LCOR: variants seen among roughly 807,000 people sequenced by gnomAD.
The protein encoded by LCOR is ligand dependent nuclear receptor corepressor.
Under a neutral mutation model 64.4 loss-of-function variants are expected in LCOR, and 14 were observed. That is an observed-to-expected ratio of 0.22 (90% CI 0.14 to 0.34). The LOEUF (loss-of-function observed/expected upper bound fraction) is 0.34, where lower values mean the gene tolerates loss of function less well. LCOR is among the 10% of genes least tolerant of loss of function. The pLI, the probability that LCOR is intolerant of heterozygous loss-of-function variation, is 1.00. For synonymous variants in LCOR, 643 were observed against 642.5 expected, an observed-to-expected ratio of 1.00 and a Z score of -0.01; for missense variants, 1,686 against 1,765.3, an observed-to-expected ratio of 0.96 and a Z score of 0.80.
chr10:96,856,808 G>A (rs186999990), intron 2 of LCOR, among the ~76,000 whole-genome samples: 19 of 151,186 alleles, frequency 1.3e-4, no homozygotes, highest in African/African-American at 2.9e-4. Flanking sequence ...AGATACCTCC[G>A]TAAGGGCAGC....
At chr10:96,873,150 A>G (rs1189853710) in intron 2 of LCOR, among the ~76,000 whole-genome samples, 1 of 152,204 alleles carries the variant, frequency 6.6e-6, no homozygotes, top group Non-Finnish European at 1.5e-5. Flanking sequence ...GTATTTTTAA[A>G]TATTAATTTT....
At chr10:96,926,333 A>G (rs2134481759) in intron 4 of LCOR, among the ~76,000 whole-genome samples, 1 of 152,322 alleles carries the variant, frequency 6.6e-6, no homozygotes. Flanking sequence ...AAATTTATGG[A>G]AAGTAAAATA....
intron 2 of LCOR, among the ~76,000 whole-genome samples, chr10:96,876,711 C>T (rs569484518): frequency 5.3e-5 from 8 of 151,892 alleles, no homozygotes; most frequent in Non-Finnish European, 8.8e-5. Flanking sequence ...CCTTTTGAGA[C>T]GGAGTTTCGC....
chr10:96,982,564 C>T lies in LCOR; in HGVS notation c.2104C>T (p.Pro702Ser), dbSNP rs145275110. The T allele has an allele frequency of 9.9e-5, 160 of 1,614,156 alleles. No individual in the cohort carries two copies. In the African/African-American group the frequency reaches 1.4e-3, roughly 14 times the overall value. Residue 702 changes from proline (P) to serine (S), a missense_variant, in exon 8 of 8, where the codon CCT (proline) becomes TCT (serine). By Grantham distance (74) the Pro-to-Ser change is moderately conservative. Coordinates refer to ENST00000421806, the MANE Select transcript of LCOR (RefSeq NM_001346516.2). ...PPEIVSREESPQCSENQSSPM... is the reference protein window; with the variant it reads ...PPEIVSREESSQCSENQSSPM... ...TGAAATAGTCAGTAGAGAAGAAAGTCCTCAGTGCTCAGAAAATCAGAGTTC... is the reference window on the plus strand; with the variant it reads ...TGAAATAGTCAGTAGAGAAGAAAGTTCTCAGTGCTCAGAAAATCAGAGTTC...
At chr10:96,904,180 T>G (rs1353544945) in intron 2 of LCOR, among the ~76,000 whole-genome samples, 1 of 152,174 alleles carries the variant, frequency 6.6e-6, no homozygotes, top group Non-Finnish European at 1.5e-5. Flanking sequence ...GACTCTCAGT[T>G]AGTGTATGTC....
chr10:96,971,797 A>G (rs1848001473), intron 7 of LCOR, among the ~76,000 whole-genome samples: 1 of 152,232 alleles, frequency 6.6e-6, no homozygotes, highest in South Asian at 2.1e-4. Flanking sequence ...TGGATGGTGT[A>G]TTGGAGGCAA....
At chr10:96,878,895 C>T (rs1356201811) in intron 2 of LCOR, among the ~76,000 whole-genome samples, 4 of 152,130 alleles carry the variant, frequency 2.6e-5, no homozygotes, top group African/African-American at 4.8e-5. Flanking sequence ...CAGGCTCAAG[C>T]GATCTTCCCA....
Position 96,985,737 on chromosome 10 carries a change from A to T in LCOR, c.*603A>T, listed in dbSNP as rs1404883065. 2 of 166,876 alleles carry T rather than the reference A, an allele frequency of 1.2e-5. No homozygotes were observed. The highest frequency in any genetic ancestry group is 3.8e-4 in the East Asian group (2 of 5,202). 10.3% of individuals were successfully genotyped at this position (166,876 alleles called of 1,614,324 possible). A position where few individuals can be genotyped will look rare whatever the true frequency, so the allele number is the denominator to read the frequency against. Reference sequence around the variant, plus strand: ...TTTCTGTTACCCCCTTTTAAAAAAGATCATGTTCATTGTTGGTCCCTCCTC... The same window carrying T: ...TTTCTGTTACCCCCTTTTAAAAAAGTTCATGTTCATTGTTGGTCCCTCCTC... On this transcript the variant is annotated 3_prime_UTR_variant, in exon 8 of 8. Transcript: ENST00000421806.
In LCOR at chr10:96,944,215, G is replaced by T; in HGVS notation, c.-81G>T. 1 of 985,730 alleles carries T rather than the reference G, an allele frequency of 1.0e-6. No homozygotes were observed. Among genetic ancestry groups the T allele is most frequent in the Non-Finnish European group, 1.2e-6 (1 of 829,910 alleles). 61.1% of individuals were successfully genotyped at this position (985,730 alleles called of 1,614,324 possible). ...CATTCGATTCGAGAGACAAGCAGAA[G>T]AATTCCTCAATGCAGTCTTTTATAG... On this transcript the variant is annotated 5_prime_UTR_variant, in exon 5 of 8. Transcript: ENST00000421806.
At chr10:96,961,030 AAGG>A in intron 7 of LCOR, 1 of 152,264 alleles carries the variant, frequency 6.6e-6, no homozygotes, top group East Asian at 1.9e-4. Context: ...AAGTGTTAGG[AAGG>A]AGATTGGGGT....
chr10:96,964,963 T>C (rs1348698520), intron 7 of LCOR, among the ~76,000 whole-genome samples: 1 of 152,144 alleles, frequency 6.6e-6, no homozygotes, highest in Non-Finnish European at 1.5e-5. Context: ...ATAATTCCTT[T>C]TACCAGAACA....
chr10:96,969,911 C>G (rs140737834), intron 7 of LCOR, among the ~76,000 whole-genome samples: 2,414 of 143,336 alleles, frequency 0.017, 58 homozygotes, highest in African/African-American at 0.057. Context: ...TCCCGAGAAG[C>G]TGGGACTACA....
chr10:96,867,147 T>A (rs1845988377), intron 2 of LCOR, among the ~76,000 whole-genome samples: 1 of 151,994 alleles, frequency 6.6e-6, no homozygotes, highest in Non-Finnish European at 1.5e-5. Context: ...CCCCTCAGCC[T>A]CCCAAAGTGC....
intron 4 of LCOR, among the ~76,000 whole-genome samples, chr10:96,931,358 T>TGAGTAGCTGG (rs1371555448): frequency 1.1e-4 from 16 of 152,106 alleles, no homozygotes; most frequent in Non-Finnish European, 2.2e-4. Flanking sequence ...ATCAGCTTCC[T>TGAGTAGCTGG]GAGTAGCTGG....
intron 7 of LCOR, among the ~76,000 whole-genome samples, chr10:96,977,410 T>TA (rs1052720843): frequency 1.3e-5 from 2 of 152,168 alleles, no homozygotes; most frequent in African/African-American, 4.8e-5. Flanking sequence ...CTCAAACTAT[T>TA]AATCTAATTC....
chr10:96,855,580 G>A (rs1310595470), intron 2 of LCOR, among the ~76,000 whole-genome samples: 7 of 145,248 alleles, frequency 4.8e-5, no homozygotes, highest in African/African-American at 1.0e-4. Flanking sequence ...GATTACAGGC[G>A]CCCACCACCA....
chr10:96,870,432 A>G (rs1846053960), intron 2 of LCOR, among the ~76,000 whole-genome samples: 1 of 152,230 alleles, frequency 6.6e-6, no homozygotes, highest in African/African-American at 2.4e-5. Flanking sequence ...AAAATCTCCC[A>G]AAGTCCGTAG....
chr10:96,978,212 C>G (rs1480997092), intron 7 of LCOR, among the ~76,000 whole-genome samples: 1 of 152,170 alleles, frequency 6.6e-6, no homozygotes, highest in Non-Finnish European at 1.5e-5. Context: ...CTGTTGAGCT[C>G]CTTTGTACAT....
chr10:96,915,316 C>T (rs1228301868), intron 4 of LCOR, among the ~76,000 whole-genome samples: 4 of 152,122 alleles, frequency 2.6e-5, no homozygotes, highest in East Asian at 1.9e-4. Context: ...GTGAAGAGAT[C>T]GAGACCATCC....
Sources: gnomAD v4.1 joint callset for allele counts (sites outside exome capture counted in the v4.1 genomes callset) on GRCh38, gnomAD v4.1.1 for gene constraint, MANE v1.5 for transcripts, NCBI Gene and HGNC (gene_info 2026-07-23, HGNC 2026-07-21) for gene names.